COG6: variants seen among roughly 807,000 people sequenced by gnomAD.
COG6 encodes the protein conserved oligomeric Golgi complex subunit 6.
COG6 carries 74 observed loss-of-function variants against 88.8 expected under a neutral mutation model. The ratio of observed to expected loss-of-function variants is 0.83; its 90% CI spans 0.69 to 1.01. The LOEUF (loss-of-function observed/expected upper bound fraction) is 1.01. Ranked by LOEUF, COG6 falls within the 50% of genes least tolerant of loss-of-function variation. The pLI is 0.00. For missense variants in COG6, 800 were observed against 797.9 expected, an observed-to-expected ratio of 1.00 and a Z score of -0.03; for synonymous variants, 286 against 278.7, an observed-to-expected ratio of 1.03 and a Z score of -0.26.
At chr13:39,773,992 G>A (rs1014226638) in intron 18 of COG6, among the ~76,000 whole-genome samples, 2 of 151,996 alleles carry the variant, frequency 1.3e-5, no homozygotes, top group Non-Finnish European at 2.9e-5. Flanking sequence ...AGTATGTGGT[G>A]TGGGCTGACT....
At chr13:39,762,639 A>T (rs974902989) in intron 18 of COG6, among the ~76,000 whole-genome samples, 10 of 151,870 alleles carry the variant, frequency 6.6e-5, no homozygotes, top group African/African-American at 2.2e-4. Flanking sequence ...AAGTACAATT[A>T]AAAAATAAGT....
intron 18 of COG6, among the ~76,000 whole-genome samples, chr13:39,775,238 A>G (rs187666340): frequency 6.6e-6 from 1 of 150,722 alleles, no homozygotes; most frequent in Non-Finnish European, 1.5e-5. Context: ...CAGTTTCCTC[A>G]TTGGTCAGAT....
chr13:39,783,338 G>C (rs1034966866), intron 18 of COG6, among the ~76,000 whole-genome samples: 2 of 152,178 alleles, frequency 1.3e-5, no homozygotes, highest in African/African-American at 2.4e-5. Context: ...TGGGCAAGTA[G>C]GATGGTATTA....
chr13:39,790,135 A>G (rs753550365), exon 19 of COG6: 20 of 152,178 alleles, frequency 1.3e-4, no homozygotes, highest in Non-Finnish European at 2.1e-4. Context: ...GTAAGGCATA[A>G]TATTTGAGAG....
At chr13:39,696,728 A>G (rs539940314) in intron 12 of COG6, among the ~76,000 whole-genome samples, 3 of 151,282 alleles carry the variant, frequency 2.0e-5, no homozygotes, top group Non-Finnish European at 3.0e-5. Context: ...GATTGGGGAA[A>G]ATGTGAGGGT....
intron 18 of COG6, among the ~76,000 whole-genome samples, chr13:39,769,916 C>T (rs779559849): frequency 7.9e-5 from 12 of 152,148 alleles, no homozygotes; most frequent in Admixed American, 2.0e-4. Flanking sequence ...CTTGGACTTC[C>T]CAGCTCCTAG....
intron 18 of COG6, among the ~76,000 whole-genome samples, chr13:39,735,099 C>A (rs1024264860): frequency 1.3e-5 from 2 of 151,932 alleles, no homozygotes; most frequent in African/African-American, 2.4e-5. Flanking sequence ...AGTCCATTTA[C>A]ATTGTGTTAT....
chr13:39,769,633 G>A (rs893433896), intron 18 of COG6, among the ~76,000 whole-genome samples: 1 of 152,138 alleles, frequency 6.6e-6, no homozygotes, highest in Non-Finnish European at 1.5e-5. Flanking sequence ...AGAGTAGAGG[G>A]AAATAGTCGA....
At chr13:39,686,593 T>A (rs1876652258) in intron 8 of COG6, among the ~76,000 whole-genome samples, 1 of 152,240 alleles carries the variant, frequency 6.6e-6, no homozygotes, top group South Asian at 2.1e-4. Context: ...ATCTGTTATG[T>A]CTAATATTGG....
chr13:39,659,590 T>G (rs1219776487), intron 2 of COG6, 83 bp downstream of exon 2: 2 of 1,190,040 alleles, frequency 1.7e-6, no homozygotes, highest in Middle Eastern at 2.7e-4. Flanking sequence ...TTGAATTAGG[T>G]TGATATGTTT....
intron 7 of COG6, among the ~76,000 whole-genome samples, chr13:39,680,400 G>A (rs1876240296): frequency 6.6e-6 from 1 of 152,176 alleles, no homozygotes; most frequent in South Asian, 2.1e-4. Flanking sequence ...GGTATCTCTT[G>A]TTGTTTACAT....
intron 13 of COG6, among the ~76,000 whole-genome samples, chr13:39,711,772 T>C (rs946552580): frequency 2.0e-5 from 3 of 152,192 alleles, no homozygotes; most frequent in African/African-American, 7.2e-5. Flanking sequence ...TAAACATGAC[T>C]ATAGGTAACA....
chr13:39,719,090 A>G (rs1042647104), intron 13 of COG6, 146 bp from the exon 14 acceptor site: 2 of 746,856 alleles, frequency 2.7e-6, no homozygotes, highest in African/African-American at 3.5e-5. Flanking sequence ...ATATAGTTCA[A>G]AGTAAGCTAT....
intron 18 of COG6, among the ~76,000 whole-genome samples, chr13:39,731,576 C>G (rs541797906): frequency 4.9e-4 from 75 of 152,180 alleles, no homozygotes; most frequent in African/African-American, 1.6e-3. Flanking sequence ...TCCATAATAA[C>G]TTAAGAAATA....
chr13:39,756,415 A>C (rs1032359291), downstream of COG6, among the ~76,000 whole-genome samples: 4 of 152,188 alleles, frequency 2.6e-5, no homozygotes, highest in African/African-American at 9.6e-5. Flanking sequence ...TCAACAATAC[A>C]CAAACAATAG....
At chr13:39,687,416 C>G in intron 8 of COG6, 87 bp from the exon 9 acceptor site, 1 of 1,237,192 alleles carries the variant, frequency 8.1e-7, no homozygotes, top group South Asian at 1.2e-5. Context: ...TTTTTAAGTA[C>G]TTGGTTGTCT....
At chr13:39,676,154 G>A (rs531269633) in intron 4 of COG6, among the ~76,000 whole-genome samples, 45 of 152,036 alleles carry the variant, frequency 3.0e-4, no homozygotes, top group South Asian at 1.5e-3. Context: ...CTTTGTACTC[G>A]TTGACCAATC....
In COG6 at chr13:39,775,688, C is replaced by T. The variant is rs1042188425; in HGVS notation, c.1827-12647C>T. 1.9e-4 allele frequency among the ~76,000 whole-genome samples: 29 copies of T among 152,006 alleles called. No individual in the cohort carries two copies. The East Asian group carries it at 1.9e-3, about 10-fold the overall frequency. On this transcript the variant is annotated intron_variant, in intron 18 of 18. Transcript: ENST00000416691. ...GTAGTTTTACATTTTAATACAATAC[C>T]GAAACAAATTAAAGCATCTGGAATC...
At chr13:39,775,647 T>A (rs937936604) in intron 18 of COG6, among the ~76,000 whole-genome samples, 3 of 152,172 alleles carry the variant, frequency 2.0e-5, no homozygotes, top group African/African-American at 7.2e-5. Flanking sequence ...GCCCTAATAA[T>A]GTAGTTCTTT....
Sources: allele counts gnomAD v4.1 joint callset (sites outside exome capture counted in the v4.1 genomes callset), GRCh38; gene constraint gnomAD v4.1.1; transcripts MANE v1.5; gene names NCBI Gene and HGNC (gene_info 2026-07-23, HGNC 2026-07-21).